Variants in SPIRE2 observed in about 807,000 individuals in gnomAD.
The protein encoded by SPIRE2 is protein spire homolog 2.
A neutral mutation model predicts 80.7 loss-of-function variants in SPIRE2; 76 were observed. That is an observed-to-expected ratio of 0.94 (90% CI 0.78 to 1.14). SPIRE2 has a LOEUF of 1.14. Ranked by LOEUF, SPIRE2 falls within the 50% of genes most tolerant of loss-of-function variation. The pLI is 0.00. For missense variants in SPIRE2, 1,196 were observed against 1,015.3 expected (o/e 1.18, Z -2.42); for synonymous variants, 535 against 432.6 (o/e 1.24, Z -2.94).
chr16:89,867,110 C>G (rs1039335016), intron 12 of SPIRE2, among the ~76,000 whole-genome samples: 2 of 151,710 alleles, frequency 1.3e-5, no homozygotes, highest in Non-Finnish European at 2.9e-5. Context: ...AGACAGTGTG[C>G]AAGTTTTTTT....
chr16:89,852,543 C>A (rs570813951), intron 3 of SPIRE2, among the ~76,000 whole-genome samples: 1 of 20,346 alleles, frequency 4.9e-5, no homozygotes, highest in Non-Finnish European at 9.1e-5. Flanking sequence ...CCCGGATCCC[C>A]TGGCCCATCT....
At position 89,869,491 on chromosome 16, in the gene SPIRE2, G is replaced by A. The variant is rs1482509015; in HGVS notation, c.1807-76G>A. 4 of 976,290 alleles carry A rather than the reference G, an allele frequency of 4.1e-6. No individual in the cohort carries two copies. In the Admixed American group the frequency reaches 5.7e-5, roughly 14 times the overall value. The allele number at this position is 976,290 out of a possible 1,614,324, so 60.5% of individuals were successfully genotyped here. On this transcript the variant is annotated intron_variant, in intron 13 of 14. Transcript: ENST00000378247. ...GCCACGCAGGTCCCAGACTGGGGAG[G>A]GAGGTCCCCTAGCACTGAGTGTACC...
In SPIRE2 at chr16:89,836,377, C is replaced by T. The variant is rs535482400; in HGVS notation, c.244+7583C>T. On this transcript the variant is annotated intron_variant, in intron 1 of 14. Coordinates refer to ENST00000378247, the MANE Select transcript of SPIRE2 (RefSeq NM_032451.2). ...CTGCCGACTGCAGCGGACCGGGGGCCGAGAATCTGAGGGAGTGCCCACAAC... is the reference window on the plus strand; with the variant it reads ...CTGCCGACTGCAGCGGACCGGGGGCTGAGAATCTGAGGGAGTGCCCACAAC... The T allele has an allele frequency of 4.2e-4, 164 of 390,888 alleles. 1 individual carries two copies. Among genetic ancestry groups the T allele is most frequent in the African/African-American group, 3.0e-3 (142 of 47,924 alleles). The allele number at this position is 390,888 out of a possible 1,614,324, so 24.2% of individuals were successfully genotyped here. A position where few individuals can be genotyped will look rare whatever the true frequency, so the allele number is the denominator to read the frequency against.
chr16:89,851,422 G>A (rs554317204), intron 3 of SPIRE2, among the ~76,000 whole-genome samples: 1 of 152,200 alleles, frequency 6.6e-6, no homozygotes, highest in African/African-American at 2.4e-5. Context: ...CCACTTGCTG[G>A]GCCTGTGACA....
At chr16:89,867,350 G>T (rs1187000370) in intron 12 of SPIRE2, among the ~76,000 whole-genome samples, 1 of 151,722 alleles carries the variant, frequency 6.6e-6, no homozygotes, top group Admixed American at 6.6e-5. Context: ...TCACCATCTT[G>T]GCCAGGCCGA....
chr16:89,836,826 AAAAAAAG>A (rs2041454787), intron 1 of SPIRE2, among the ~76,000 whole-genome samples: 1 of 150,320 alleles, frequency 6.7e-6, no homozygotes, highest in African/African-American at 2.5e-5. Flanking sequence ...CTGAAAAAAA[AAAAAAAG>A]AAAAAAAGAA....
chr16:89,856,073 G>A lies in SPIRE2; in HGVS notation c.979-40G>A, dbSNP rs112419620. 1.5e-5 allele frequency: 24 copies of A among 1,590,956 alleles called. No individual in the cohort carries two copies. The African/African-American group carries it at 2.0e-4, about 13-fold the overall frequency. On this transcript the variant is annotated intron_variant, in intron 6 of 14. Transcript: ENST00000378247. ...CGCAGGTCCCGCTTCCCCACCGCAG[G>A]TCCTGCTTCCCCACCGCAGGTCTCG... is the stretch of plus-strand genomic sequence containing the variant.
intron 2 of SPIRE2, chr16:89,846,328 CT>C (rs34169212): frequency 1.0e-4 from 15 of 148,040 alleles, no homozygotes; most frequent in Admixed American, 1.3e-4. Context: ...TGCCTGGCCT[CT>C]TTTTTTTTTT....
rs140599368 is a variant in SPIRE2 at position 89,840,096 on chromosome 16, C to A, written c.245-5226C>A. On this transcript the variant is annotated intron_variant, in intron 1 of 14. Coordinates refer to ENST00000378247, the MANE Select transcript of SPIRE2 (RefSeq NM_032451.2). ...CCCTTGTCGGGCTAGGCTGACGCTC[C>A]CAAGCAGATGGAGGCTGAGGCTGCC... 2.0e-5 allele frequency among the ~76,000 whole-genome samples: 3 copies of A among 152,216 alleles called. No homozygotes were observed. In the East Asian group the frequency reaches 5.8e-4, roughly 29 times the overall value.
rs1242980833 is a variant in SPIRE2, at chr16:89,869,574, T to C, written c.1814T>C (p.Met605Thr). ...VCTSCSIKMK[M>T]PSKKFGHIPV... ...CCTCCCTCTGTGCTGCAGATGAAGA[T>C]GCCTTCTAAGAAATTTGGACACATC... Residue 605 changes from methionine to threonine, a missense_variant, in exon 14 of 15, where the codon ATG (methionine) becomes ACG (threonine). Met to Thr is a moderately conservative substitution (Grantham distance 81). Transcript: ENST00000378247. 1.2e-6 allele frequency: 2 copies of C among 1,611,542 alleles called. No individual in the cohort carries two copies. The highest frequency in any genetic ancestry group is 1.3e-5 in the African/African-American group (1 of 74,868).
intron 1 of SPIRE2, among the ~76,000 whole-genome samples, chr16:89,836,945 G>C (rs958965706): frequency 6.6e-6 from 1 of 152,074 alleles, no homozygotes; most frequent in Non-Finnish European, 1.5e-5. Flanking sequence ...TGGTGAGCCA[G>C]GATTGCGCCA....
At position 89,869,031 on chromosome 16, in the gene SPIRE2, T is replaced by TAA. The variant is rs766356633; in HGVS notation, c.1807-514_1807-513dup. ...GGGCAATAGAGCAAGATCTGTGTCT[T>TAA]AAAAAAAAAAAAAAAAAAAAAAATA... is the stretch of plus-strand genomic sequence containing the variant. On this transcript the variant is annotated intron_variant, in intron 13 of 14. Coordinates refer to ENST00000378247, the MANE Select transcript of SPIRE2 (RefSeq NM_032451.2). Among the ~76,000 whole-genome samples, 133 of 23,954 alleles carry TAA rather than the reference T, an allele frequency of 5.6e-3. 7 individuals are homozygous for TAA. Among genetic ancestry groups the TAA allele is most frequent in the African/African-American group, 0.013 (34 of 2,652 alleles). 15.7% of individuals were successfully genotyped at this position (23,954 alleles called of 152,430 possible). A position where few individuals can be genotyped will look rare whatever the true frequency, so the allele number is the denominator to read the frequency against.
Position 89,828,886 on chromosome 16 carries a change from G to A in SPIRE2, c.244+92G>A. 3 of 1,032,984 alleles carry A rather than the reference G, an allele frequency of 2.9e-6. No individual in the cohort carries two copies. The highest frequency in any genetic ancestry group is 3.6e-6 in the Non-Finnish European group (3 of 830,724). 64.0% of individuals were successfully genotyped at this position (1,032,984 alleles called of 1,614,324 possible). A position where few individuals can be genotyped will look rare whatever the true frequency, so the allele number is the denominator to read the frequency against. ...GGGGTGGTCCCGGCGGAGAGGCTGC[G>A]ACCGGTTCTGGAGCGGGAGATCCCC... On this transcript the variant is annotated intron_variant, in intron 1 of 14. Transcript: ENST00000378247. This position sits in a 1 kb window ranked among gnomAD's most constrained non-coding sequence, Gnocchi z 5.9.
Position 89,836,825 on chromosome 16 carries a change from AAAAAAAAG to A in SPIRE2, c.244+8043_244+8050del, listed in dbSNP as rs1157483939. 2.8e-3 allele frequency among the ~76,000 whole-genome samples: 421 copies of A among 151,240 alleles called. 2 individuals are homozygous for A. Among genetic ancestry groups the A allele is most frequent in the African/African-American group, 9.9e-3 (409 of 41,364 alleles). Reference sequence around the variant, plus strand: ...AGAAACCCCGTCTCTACTGAAAAAAAAAAAAAAGAAAAAAAGAAAGTTAGCTGGGCGTC... The same window carrying A: ...AGAAACCCCGTCTCTACTGAAAAAAAAAAAAAAGAAAGTTAGCTGGGCGTC... On this transcript the variant is annotated intron_variant, in intron 1 of 14. Coordinates refer to ENST00000378247, the MANE Select transcript of SPIRE2 (RefSeq NM_032451.2).
intron 1 of SPIRE2, among the ~76,000 whole-genome samples, chr16:89,841,296 G>C (rs1431520473): frequency 6.6e-6 from 1 of 152,186 alleles, no homozygotes; most frequent in Non-Finnish European, 1.5e-5. Context: ...ATGGAAACGA[G>C]GGGTCCTGGT....
chr16:89,841,521 T>C (rs2143791226), intron 1 of SPIRE2, among the ~76,000 whole-genome samples: 1 of 152,264 alleles, frequency 6.6e-6, no homozygotes, highest in Middle Eastern at 3.4e-3. Flanking sequence ...ACCTGGGTGT[T>C]CGGCTGGGTT....
chr16:89,829,687 CTT>C lies in SPIRE2; in HGVS notation c.244+894_244+895del. The stretch of plus-strand genomic sequence containing the variant: ...GTGCCCCACCCAAGGGCCCTTGTTC[CTT>C]CACCAGGTCCTGCTCATCCTGGAGC... On this transcript the variant is annotated intron_variant, in intron 1 of 14. Transcript: ENST00000378247. 6.5e-5 allele frequency among the ~76,000 whole-genome samples: 9 copies of C among 139,328 alleles called. 1 individual carries two copies. Among genetic ancestry groups the C allele is most frequent in the Non-Finnish European group, 1.2e-4 (7 of 58,574 alleles). 91.4% of individuals were successfully genotyped at this position (139,328 alleles called of 152,430 possible). A position where few individuals can be genotyped will look rare whatever the true frequency, so the allele number is the denominator to read the frequency against.
chr16:89,850,226 C>T (rs529788714), intron 2 of SPIRE2, 78 bp from the exon 3 acceptor site: 3 of 1,248,178 alleles, frequency 2.4e-6, no homozygotes, highest in South Asian at 2.5e-5. Context: ...GGTGCTGGGC[C>T]CTCTGCACCC....
intron 2 of SPIRE2, chr16:89,845,775 C>T (rs1256883104): frequency 1.7e-6 from 1 of 602,460 alleles, no homozygotes; most frequent in Non-Finnish European, 3.0e-6. Context: ...TGGAACCTCA[C>T]CGCAGGGCAG....
Sources: allele counts gnomAD v4.1 joint callset (sites outside exome capture counted in the v4.1 genomes callset), GRCh38; gene constraint gnomAD v4.1.1; non-coding constraint Gnocchi (gnomAD v3.1); transcripts MANE v1.5; gene names NCBI Gene and HGNC (gene_info 2026-07-23, HGNC 2026-07-21).